Variants in ADAMTSL1 observed in about 807,000 individuals in gnomAD.
ADAMTSL1 encodes ADAMTS like 1, also known as ADAMTS-like protein 1.
A neutral mutation model predicts 201.8 loss-of-function variants in ADAMTSL1; 126 were observed. The observed-to-expected ratio is 0.62, with a 90% CI of 0.54 to 0.72. ADAMTSL1 has a LOEUF of 0.72. ADAMTSL1 is among the 30% of genes least tolerant of loss of function. ADAMTSL1 has a pLI of 0.00. For missense variants in ADAMTSL1, 2,679 were observed against 2,277.8 expected (o/e 1.18, Z -3.59); for synonymous variants, 1,121 against 903.4 (o/e 1.24, Z -4.32).
chr9:18,449,823 A>G (rs1471148784), intron 2 of ADAMTSL1, among the ~76,000 whole-genome samples: 1 of 152,210 alleles, frequency 6.6e-6, no homozygotes, highest in Non-Finnish European at 1.5e-5. Context: ...TAAAACCACA[A>G]TAATACACTA....
chr9:18,817,533 C>G (rs1823939488), intron 21 of ADAMTSL1, among the ~76,000 whole-genome samples: 1 of 151,984 alleles, frequency 6.6e-6, no homozygotes, highest in African/African-American at 2.4e-5. Context: ...CAAGGAGTTC[C>G]AAGTGGACAC....
intron 1 of ADAMTSL1, among the ~76,000 whole-genome samples, chr9:18,020,697 GAC>G (rs1465073436): frequency 2.0e-5 from 3 of 152,054 alleles, no homozygotes; most frequent in African/African-American, 7.2e-5. Context: ...TTTGGATGGA[GAC>G]ACAGAGTCAA....
intron 13 of ADAMTSL1, among the ~76,000 whole-genome samples, chr9:18,686,206 C>A (rs539961869): frequency 6.6e-6 from 1 of 152,314 alleles, no homozygotes; most frequent in Admixed American, 6.5e-5. Context: ...CAGGCGTGAG[C>A]CACAGCGCCT....
Position 17,921,966 on chromosome 9 carries a change from C to G in ADAMTSL1, c.87+15044C>G, listed in dbSNP as rs80118911. On this transcript the variant is annotated intron_variant, in intron 1 of 29. Transcript: ENST00000680146. ...AAATATTTTATTTTATACATTTTGA[C>G]ATTCATATTTGGAAACAGTTTTATG... 7.6e-4 allele frequency among the ~76,000 whole-genome samples: 115 copies of G among 152,034 alleles called. 1 individual carries two copies. Among genetic ancestry groups the G allele is most frequent in the African/African-American group, 2.3e-3 (94 of 41,472 alleles).
At chr9:18,201,487 A>C (rs1294217961) in intron 2 of ADAMTSL1, among the ~76,000 whole-genome samples, 1 of 152,112 alleles carries the variant, frequency 6.6e-6, no homozygotes, top group Non-Finnish European at 1.5e-5. Flanking sequence ...ATATTCTTGG[A>C]AAGTTCCTAA....
At chr9:18,760,081 C>T (rs1819984622) in intron 16 of ADAMTSL1, among the ~76,000 whole-genome samples, 2 of 152,132 alleles carry the variant, frequency 1.3e-5, no homozygotes, top group African/African-American at 2.4e-5. Context: ...TTAATACATA[C>T]CTGCCTGCCA....
intron 1 of ADAMTSL1, among the ~76,000 whole-genome samples, chr9:18,032,506 G>C (rs1331783307): frequency 1.3e-5 from 2 of 152,142 alleles, no homozygotes; most frequent in Non-Finnish European, 2.9e-5. Context: ...TTTTGGGAGG[G>C]GTTGGCAGAC....
At chr9:17,971,110 T>A (rs1818190421) in intron 1 of ADAMTSL1, among the ~76,000 whole-genome samples, 1 of 152,076 alleles carries the variant, frequency 6.6e-6, no homozygotes, top group Admixed American at 6.6e-5. Flanking sequence ...AAAGGTGGCC[T>A]TAATGCTGTT....
intron 1 of ADAMTSL1, among the ~76,000 whole-genome samples, chr9:18,108,340 C>G (rs1824854527): frequency 6.6e-6 from 1 of 151,968 alleles, no homozygotes; most frequent in East Asian, 2.0e-4. Context: ...GCTGGGAGTA[C>G]AGGCTTGTGC....
intron 1 of ADAMTSL1, among the ~76,000 whole-genome samples, chr9:17,924,518 GGAACA>G (rs1588423813): frequency 1.3e-5 from 2 of 148,338 alleles, no homozygotes; most frequent in African/African-American, 4.9e-5. Context: ...ATAGATCAAT[GGAACA>G]GAACAGAGCC....
intron 13 of ADAMTSL1, among the ~76,000 whole-genome samples, chr9:18,701,593 C>G (rs1221101370): frequency 6.6e-6 from 1 of 152,210 alleles, no homozygotes; most frequent in Non-Finnish European, 1.5e-5. Context: ...CATGCCACCA[C>G]TCACATACAC....
intron 2 of ADAMTSL1, among the ~76,000 whole-genome samples, chr9:18,204,890 A>G (rs189318621): frequency 2.0e-3 from 301 of 152,282 alleles, no homozygotes; most frequent in Middle Eastern, 0.01. Flanking sequence ...ATCTTTGTTC[A>G]TTTATATCCA....
chr9:18,204,978 C>G (rs1246307940), intron 2 of ADAMTSL1, among the ~76,000 whole-genome samples: 6 of 152,086 alleles, frequency 3.9e-5, no homozygotes, highest in Admixed American at 3.3e-4. Context: ...AGACAAAATG[C>G]CACCAGTGCT....
At chr9:18,533,196 T>G in intron 2 of ADAMTSL1, 51 bp from the exon 3 acceptor site, 1 of 1,504,880 alleles carries the variant, frequency 6.6e-7, no homozygotes, top group Non-Finnish European at 9.1e-7. Context: ...ATATTTCTGA[T>G]TTTGAGCTTT....
At chr9:18,809,808 A>G (rs1158664685) in intron 20 of ADAMTSL1, among the ~76,000 whole-genome samples, 1 of 152,168 alleles carries the variant, frequency 6.6e-6, no homozygotes, top group Non-Finnish European at 1.5e-5. Flanking sequence ...AAAAAAGAAA[A>G]GAAAAAGAGC....
chr9:18,147,456 C>T (rs911533816), intron 1 of ADAMTSL1, among the ~76,000 whole-genome samples: 1 of 152,120 alleles, frequency 6.6e-6, no homozygotes, highest in Non-Finnish European at 1.5e-5. Context: ...TTTCCATCAG[C>T]TCATTCACTG....
rs1587982911 is a variant in ADAMTSL1 at position 18,721,670 on chromosome 9, G to A, written c.2006+5G>A. ...TTTGGATCCCTGCCCAGCAAGGTAA[G>A]GGATGTGTGGCCTGCCCTGCTGTCC... On this transcript the variant is annotated splice_donor_5th_base_variant and intron_variant, in intron 15 of 28. Transcript: ENST00000380548. The A allele has an allele frequency of 1.9e-6, 3 of 1,613,652 alleles. No individual in the cohort carries two copies. Among genetic ancestry groups the A allele is most frequent in the Non-Finnish European group, 2.5e-6 (3 of 1,179,716 alleles).
At chr9:18,452,215 A>C (rs1459967139) in intron 2 of ADAMTSL1, among the ~76,000 whole-genome samples, 2 of 152,078 alleles carry the variant, frequency 1.3e-5, no homozygotes, top group Non-Finnish European at 2.9e-5. Flanking sequence ...ACCCTGCCCC[A>C]AGCTCCCATT....
chr9:18,231,319 A>C (rs751177481), intron 2 of ADAMTSL1, among the ~76,000 whole-genome samples: 1 of 152,030 alleles, frequency 6.6e-6, no homozygotes, highest in Non-Finnish European at 1.5e-5. Flanking sequence ...CACTACCAAA[A>C]CTATCTTTGT....
Sources: allele counts gnomAD v4.1 joint callset (sites outside exome capture counted in the v4.1 genomes callset), GRCh38; gene constraint gnomAD v4.1.1; transcripts MANE v1.5; gene names NCBI Gene and HGNC (gene_info 2026-07-23, HGNC 2026-07-21).